The following UBE2T variants were observed in gnomAD, a reference collection of about 807,000 sequenced individuals.
UBE2T encodes ubiquitin conjugating enzyme E2 T.
In UBE2T, 15 loss-of-function variants were observed where a neutral mutation model predicts 23.3. The ratio of observed to expected loss-of-function variants is 0.64; its 90% confidence interval spans 0.43 to 0.99. The LOEUF is 0.99. Ranked by LOEUF, UBE2T falls within the 50% of genes least tolerant of loss-of-function variation. The pLI is 0.00. For synonymous variants in UBE2T, 67 were observed against 78.4 expected, an observed-to-expected ratio of 0.85 and a Z score of 0.77; for missense variants, 197 against 234.9, an observed-to-expected ratio of 0.84 and a Z score of 1.05.
chr1:202,339,834 G>C (rs1654961963), intron 1 of UBE2T, among the ~76,000 whole-genome samples: 1 of 152,160 alleles, frequency 6.6e-6, no homozygotes, highest in South Asian at 2.1e-4. Flanking sequence ...GAGGCCAGGG[G>C]TTCAAGACCA....
chr1:202,331,771 A>C lies in UBE2T; in HGVS notation c.*64T>G, dbSNP rs984096225. The C allele has an allele frequency of 2.3e-5, 36 of 1,582,564 alleles. No individual in the cohort carries two copies. The African/African-American group carries it at 4.8e-4, about 21-fold the overall frequency. On this transcript the variant is annotated 3_prime_UTR_variant, in exon 7 of 7. Transcript: ENST00000646651. ...TCAAATATATTTAAAAAAAAATTCA[A>C]GGTAGGCAACTTAGATCACCTTGGC...
At chr1:202,337,255 A>T (rs553750163) in intron 1 of UBE2T, among the ~76,000 whole-genome samples, 27 of 152,096 alleles carry the variant, frequency 1.8e-4, no homozygotes, top group Non-Finnish European at 4.0e-4. Flanking sequence ...CCAATCCTTT[A>T]ATGTGTTACA....
At chr1:202,332,079 T>TTTTC in intron 6 of UBE2T, 119 bp from the exon 7 acceptor site, 1 of 1,256,504 alleles carries the variant, frequency 8.0e-7, no homozygotes. Context: ...AATACAGTAT[T>TTTTC]ATGCATACGA....
At chr1:202,338,818 G>T (rs1401064232) in intron 1 of UBE2T, among the ~76,000 whole-genome samples, 1 of 151,512 alleles carries the variant, frequency 6.6e-6, no homozygotes, top group Non-Finnish European at 1.5e-5. Flanking sequence ...AGGCTGTAGT[G>T]AGCCATGATT....
intron 1 of UBE2T, among the ~76,000 whole-genome samples, chr1:202,339,311 T>A (rs941353383): frequency 6.6e-6 from 1 of 152,030 alleles, no homozygotes; most frequent in Admixed American, 6.6e-5. Context: ...TTTATTTGTA[T>A]AATGTTTTAT....
At chr1:202,332,895 G>A (rs1372433330) in intron 6 of UBE2T, 115 bp downstream of exon 6, 52 of 463,504 alleles carry the variant, frequency 1.1e-4, no homozygotes, top group African/African-American at 1.1e-3. Context: ...GCGACAGAGC[G>A]AGACTCCGTC....
In UBE2T at chr1:202,331,674, T is replaced by C; in HGVS notation, c.*161A>G. On this transcript the variant is annotated 3_prime_UTR_variant, in exon 7 of 7. Transcript: ENST00000646651. ...ACACATACTCAACATTAAATGACTA[T>C]TTATTTTTCAGGTTTAAAAGATTTC... 1 of 890,146 alleles carries C rather than the reference T, an allele frequency of 1.1e-6. No homozygotes were observed. Among genetic ancestry groups the C allele is most frequent in the Non-Finnish European group, 1.7e-6 (1 of 596,872 alleles). 55.1% of individuals were successfully genotyped at this position (890,146 alleles called of 1,614,324 possible). A position where few individuals can be genotyped will look rare whatever the true frequency, so the allele number is the denominator to read the frequency against.
At chr1:202,340,826 A>G (rs190109513) in intron 1 of UBE2T, among the ~76,000 whole-genome samples, 1 of 152,174 alleles carries the variant, frequency 6.6e-6, no homozygotes, top group African/African-American at 2.4e-5. Context: ...AAGCAACCAG[A>G]CTCCAGCCTC....
intron 1 of UBE2T, 116 bp downstream of exon 1, chr1:202,341,779 G>C (rs1655012729): frequency 6.6e-6 from 1 of 152,118 alleles, no homozygotes; most frequent in African/African-American, 2.4e-5. Context: ...TCTCCTTTCA[G>C]AGGAGACGAA....
At position 202,331,965 on chromosome 1, in the gene UBE2T, A is replaced by G; in HGVS notation, c.469-5T>C. 6.2e-7 allele frequency: 1 copy of G among 1,614,024 alleles called. No individual in the cohort carries two copies. Among genetic ancestry groups the G allele is most frequent in the Non-Finnish European group, 8.5e-7 (1 of 1,179,952 alleles). ...AAGCATCTCTTCCTCATCAGCCTAA[A>G]GAGGAGACAGGGTGAAACACAGTAA... is the stretch of plus-strand genomic sequence containing the variant. On this transcript the variant is annotated splice_region_variant and splice_polypyrimidine_tract_variant and intron_variant, in intron 6 of 6. Transcript: ENST00000646651.
intron 1 of UBE2T, among the ~76,000 whole-genome samples, chr1:202,338,267 T>A (rs1006937938): frequency 6.6e-6 from 1 of 150,718 alleles, no homozygotes; most frequent in African/African-American, 2.4e-5. Context: ...TTGCCCAGGC[T>A]GGAGTGCAAT....
intron 6 of UBE2T, 113 bp from the exon 7 acceptor site, chr1:202,332,073 CA>C (rs1285312375): frequency 1.5e-5 from 20 of 1,301,896 alleles, no homozygotes; most frequent in Non-Finnish European, 1.0e-6. Flanking sequence ...GATTTAAATA[CA>C]GTATTATGCA....
Position 202,335,308 on chromosome 1 carries a change from T to C in UBE2T, c.110-250A>G. ...GCAAAATGCTGGCCACAAGACCAAA[T>C]ACAACCTATAGATTTGTTTTGTTTG... On this transcript the variant is annotated intron_variant, in intron 2 of 6. Transcript: ENST00000646651. This position sits in a 1 kb window ranked among gnomAD's most constrained non-coding sequence, Gnocchi z 4.0. The C allele has an allele frequency of 1.8e-6, 1 of 552,426 alleles. No individual in the cohort carries two copies. The highest frequency in any genetic ancestry group is 2.4e-5 in the South Asian group (1 of 41,884). The allele number at this position is 552,426 out of a possible 1,614,324, so 34.2% of individuals were successfully genotyped here.
chr1:202,337,340 T>C (rs575202267), intron 1 of UBE2T, among the ~76,000 whole-genome samples: 3 of 152,208 alleles, frequency 2.0e-5, no homozygotes, highest in Non-Finnish European at 4.4e-5. Context: ...CTTAACATAA[T>C]CAATCTTAAA....
At chr1:202,340,466 A>T (rs1654976201) in intron 1 of UBE2T, among the ~76,000 whole-genome samples, 2 of 151,744 alleles carry the variant, frequency 1.3e-5, no homozygotes, top group Admixed American at 1.3e-4. Context: ...GTGAGCCAAG[A>T]TCGCGCCACT....
chr1:202,336,213 T>C (rs930725436), intron 1 of UBE2T, among the ~76,000 whole-genome samples: 2 of 16,518 alleles, frequency 1.2e-4, no homozygotes, highest in East Asian at 3.4e-3. Flanking sequence ...CACCCAGCTT[T>C]TTTTTTTTTT....
rs60785340 is a variant in UBE2T at position 202,336,210 on chromosome 1, CTTTTTTTTTTTT to C, written c.-64-404_-64-393del. ...TACAGGCGTGAGCCAATGCACCCAG[CTTTTTTTTTTTT>C]TTTTTTTTTTTTTTTTAGAGGCAGG... On this transcript the variant is annotated intron_variant, in intron 1 of 6. Coordinates refer to ENST00000646651, the MANE Select transcript of UBE2T (RefSeq NM_014176.4). Among the ~76,000 whole-genome samples, 4 of 34,332 alleles carry C rather than the reference CTTTTTTTTTTTT, an allele frequency of 1.2e-4. No homozygotes were observed. In the South Asian group the frequency reaches 8.0e-3, roughly 69 times the overall value. 22.5% of individuals were successfully genotyped at this position (34,332 alleles called of 152,430 possible).
intron 6 of UBE2T, 144 bp from the exon 7 acceptor site, chr1:202,332,104 C>T: frequency 9.7e-7 from 1 of 1,030,814 alleles, no homozygotes; most frequent in Non-Finnish European, 1.3e-6. Context: ...CTCTCAAAGA[C>T]ATCTTCCTCA....
chr1:202,335,599 C>A lies in UBE2T; in HGVS notation c.109+47G>T, dbSNP rs779750731. On this transcript the variant is annotated intron_variant, in intron 2 of 6. Transcript: ENST00000646651. This position sits in a 1 kb window ranked among gnomAD's most constrained non-coding sequence, Gnocchi z 4.0. ...ACAAAATGTTTTATTTCAGCACAAT[C>A]TTCAATAGGGTCATGACTTTCATCA... 2 of 1,573,116 alleles carry A rather than the reference C, an allele frequency of 1.3e-6. No individual in the cohort carries two copies. The highest frequency in any genetic ancestry group is 1.1e-5 in the South Asian group (1 of 90,032).
Sources: gnomAD v4.1 joint callset for allele counts (sites outside exome capture counted in the v4.1 genomes callset) on GRCh38, gnomAD v4.1.1 for gene constraint, Gnocchi (gnomAD v3.1) non-coding constraint, MANE v1.5 for transcripts, NCBI Gene and HGNC (gene_info 2026-07-23, HGNC 2026-07-21) for gene names.